Variants in CDH18 observed in about 807,000 individuals in gnomAD.
The protein encoded by CDH18 is cadherin 18.
In CDH18, 31 loss-of-function variants were observed where a neutral mutation model predicts 67.9. The ratio of observed to expected loss-of-function variants is 0.46; its 90% CI spans 0.34 to 0.62. The LOEUF (loss-of-function observed/expected upper bound fraction) is 0.62, where lower values mean the gene tolerates loss of function less well. CDH18 is among the 20% of genes least tolerant of loss of function. CDH18 has a pLI of 0.01. For missense variants in CDH18, 890 were observed against 975.5 expected (o/e 0.91, Z 1.17); for synonymous variants, 362 against 347.2 (o/e 1.04, Z -0.48).
chr5:20,526,156 A>G (rs1756043386), intron 1 of CDH18, among the ~76,000 whole-genome samples: 1 of 152,122 alleles, frequency 6.6e-6, no homozygotes, highest in Non-Finnish European at 1.5e-5. Flanking sequence ...GATCGTGGCC[A>G]GACTCTTTGT....
rs60170962 is a variant in CDH18, at chr5:20,219,517, CAA to C, written c.-518+35925_-518+35926del. 1.7e-3 allele frequency among the ~76,000 whole-genome samples: 235 copies of C among 138,826 alleles called. 2 individuals are homozygous for C. The highest frequency in any genetic ancestry group is 1.7e-3 in the East Asian group (8 of 4,776). The allele number at this position is 138,826 out of a possible 152,430, so 91.1% of individuals were successfully genotyped here. A position where few individuals can be genotyped will look rare whatever the true frequency, so the allele number is the denominator to read the frequency against. ...CCTGATACTAAAACTAAAGACATGTCAAAAAAAAAAAAAGAAAAAAACAAATC... is the reference window on the plus strand; with the variant it reads ...CCTGATACTAAAACTAAAGACATGTCAAAAAAAAAAAGAAAAAAACAAATC... On this transcript the variant is annotated intron_variant, in intron 2 of 14. Transcript: ENST00000507958.
chr5:20,191,637 G>A (rs1450485184), intron 2 of CDH18, among the ~76,000 whole-genome samples: 7 of 151,940 alleles, frequency 4.6e-5, no homozygotes, highest in Non-Finnish European at 1.5e-5. Context: ...GTGTTAGTTT[G>A]TTGAGGCTGA....
intron 1 of CDH18, among the ~76,000 whole-genome samples, chr5:20,378,511 T>C (rs1743650616): frequency 6.6e-6 from 1 of 152,180 alleles, no homozygotes; most frequent in Non-Finnish European, 1.5e-5. Flanking sequence ...CGTTTCCTTT[T>C]TACACAGCAA....
chr5:20,552,555 T>C (rs187331979), intron 1 of CDH18, among the ~76,000 whole-genome samples: 9 of 152,242 alleles, frequency 5.9e-5, no homozygotes, highest in Admixed American at 3.9e-4. Flanking sequence ...GTCTCATACA[T>C]ACTGAAAAAA....
intron 1 of CDH18, among the ~76,000 whole-genome samples, chr5:20,367,179 T>A (rs1482359475): frequency 6.6e-6 from 1 of 152,120 alleles, no homozygotes; most frequent in Non-Finnish European, 1.5e-5. Flanking sequence ...GTAGATACAG[T>A]GGTATTTGTT....
At chr5:19,921,446 G>T (rs1217984386) in intron 2 of CDH18, among the ~76,000 whole-genome samples, 2 of 151,458 alleles carry the variant, frequency 1.3e-5, no homozygotes, top group Non-Finnish European at 1.5e-5. Context: ...CAGGAGAATG[G>T]TGTGAACCCG....
chr5:19,583,041 C>G (rs1743528730), intron 7 of CDH18, among the ~76,000 whole-genome samples: 1 of 151,872 alleles, frequency 6.6e-6, no homozygotes, highest in Non-Finnish European at 1.5e-5. Flanking sequence ...CATCTCAAAT[C>G]ATGTGTTAAA....
chr5:19,994,856 A>AGAGAGG, intron 2 of CDH18, among the ~76,000 whole-genome samples: 1 of 35,828 alleles, frequency 2.8e-5, no homozygotes, highest in Non-Finnish European at 5.6e-5. Flanking sequence ...ATATATATAT[A>AGAGAGG]GAGAGAGAGA....
intron 2 of CDH18, among the ~76,000 whole-genome samples, chr5:20,108,943 T>C (rs1205989559): frequency 6.6e-6 from 1 of 152,218 alleles, no homozygotes; most frequent in African/African-American, 2.4e-5. Context: ...TATGTAATAA[T>C]AAGTTAGTTA....
At chr5:20,188,402 A>G (rs759483809) in intron 2 of CDH18, among the ~76,000 whole-genome samples, 1 of 151,972 alleles carries the variant, frequency 6.6e-6, no homozygotes, top group Non-Finnish European at 1.5e-5. Flanking sequence ...CTCACTCTGA[A>G]TCTACATTTA....
chr5:20,123,837 A>C (rs1174383094), intron 2 of CDH18, among the ~76,000 whole-genome samples: 1 of 144,728 alleles, frequency 6.9e-6, no homozygotes, highest in African/African-American at 2.5e-5. Flanking sequence ...CAGTGAGCTG[A>C]GATCGTGCTA....
At chr5:20,160,031 C>T (rs1023883817) in intron 2 of CDH18, among the ~76,000 whole-genome samples, 2 of 151,988 alleles carry the variant, frequency 1.3e-5, no homozygotes, top group African/African-American at 2.4e-5. Flanking sequence ...TTGAATGAGA[C>T]AATAATAGAA....
At chr5:19,929,019 T>C (rs1793396301) in intron 2 of CDH18, among the ~76,000 whole-genome samples, 1 of 152,122 alleles carries the variant, frequency 6.6e-6, no homozygotes, top group South Asian at 2.1e-4. Context: ...AATTACATCA[T>C]GGGAGTGAAG....
chr5:19,889,801 C>T (rs998921125), intron 2 of CDH18, among the ~76,000 whole-genome samples: 13 of 152,070 alleles, frequency 8.5e-5, no homozygotes, highest in African/African-American at 3.1e-4. Flanking sequence ...AAAATGTGCT[C>T]ATAAAATGCA....
At chr5:20,309,561 G>T (rs1259430443) in intron 1 of CDH18, among the ~76,000 whole-genome samples, 1 of 152,152 alleles carries the variant, frequency 6.6e-6, no homozygotes, top group Non-Finnish European at 1.5e-5. Context: ...TTTCCTATCA[G>T]ATGATAACTG....
intron 2 of CDH18, among the ~76,000 whole-genome samples, chr5:19,864,797 T>A (rs1785302869): frequency 6.6e-6 from 1 of 152,148 alleles, no homozygotes; most frequent in Non-Finnish European, 1.5e-5. Flanking sequence ...CCAGCATATA[T>A]CTGATTTTCT....
chr5:19,877,436 G>A (rs1000574991), intron 2 of CDH18, among the ~76,000 whole-genome samples: 3 of 152,040 alleles, frequency 2.0e-5, no homozygotes, highest in Non-Finnish European at 4.4e-5. Flanking sequence ...GTAAATACGA[G>A]GATAGTCATA....
intron 1 of CDH18, among the ~76,000 whole-genome samples, chr5:20,391,349 G>A (rs1744840306): frequency 1.3e-5 from 2 of 151,656 alleles, no homozygotes; most frequent in South Asian, 2.1e-4. Context: ...CTTATTGCAT[G>A]GTCTTTATCT....
At chr5:20,121,515 CTT>C (rs1292453141) in intron 2 of CDH18, among the ~76,000 whole-genome samples, 1 of 152,086 alleles carries the variant, frequency 6.6e-6, no homozygotes, top group Non-Finnish European at 1.5e-5. Flanking sequence ...ACAGCAAAAA[CTT>C]TCCTGCTCAA....
Sources: gnomAD v4.1 joint callset for allele counts (sites outside exome capture counted in the v4.1 genomes callset) on GRCh38, gnomAD v4.1.1 for gene constraint, MANE v1.5 for transcripts, NCBI Gene and HGNC (gene_info 2026-07-23, HGNC 2026-07-21) for gene names.